DOCK1: variants seen among roughly 807,000 people sequenced by gnomAD.
DOCK1 encodes dedicator of cytokinesis 1, also known as dedicator of cytokinesis protein 1.
Under a neutral mutation model 262.7 loss-of-function variants are expected in DOCK1, and 138 were observed. The observed-to-expected ratio is 0.53, with a 90% CI of 0.46 to 0.61. DOCK1 has a LOEUF of 0.61. Ranked by LOEUF, DOCK1 falls within the 20% of genes least tolerant of loss-of-function variation. DOCK1 has a pLI of 0.00. For synonymous variants in DOCK1, 866 were observed against 867.4 expected, an observed-to-expected ratio of 1.00 and a Z score of 0.03; for missense variants, 1,908 against 2,370.7, an observed-to-expected ratio of 0.80 and a Z score of 4.05.
intron 29 of DOCK1, among the ~76,000 whole-genome samples, chr10:127,260,549 T>G (rs1205793361): frequency 1.3e-5 from 2 of 152,156 alleles, no homozygotes; most frequent in East Asian, 3.9e-4. Context: ...CCATGGGAGC[T>G]TCCTGCAGAG....
At chr10:127,346,739 C>A (rs1317696028) in intron 31 of DOCK1, among the ~76,000 whole-genome samples, 8 of 152,242 alleles carry the variant, frequency 5.3e-5, no homozygotes. Flanking sequence ...GGTGTCGCCC[C>A]CTCAGGAGCC....
At chr10:127,232,010 T>G (rs970896104) in intron 27 of DOCK1, among the ~76,000 whole-genome samples, 6 of 152,076 alleles carry the variant, frequency 3.9e-5, no homozygotes, top group South Asian at 2.1e-4. Flanking sequence ...CATAAACAAT[T>G]TATGCAATTT....
At chr10:127,055,238 G>A (rs552629467) in intron 22 of DOCK1, among the ~76,000 whole-genome samples, 9 of 152,136 alleles carry the variant, frequency 5.9e-5, no homozygotes, top group East Asian at 3.9e-4. Flanking sequence ...AGGACTCAGC[G>A]TCCTGATGTC....
chr10:127,301,496 C>T lies in DOCK1; in HGVS notation c.3045-37510C>T, dbSNP rs187757596. 2.5e-3 allele frequency among the ~76,000 whole-genome samples: 375 copies of T among 152,288 alleles called. 4 individuals are homozygous for T. Among genetic ancestry groups the T allele is most frequent in the African/African-American group, 8.3e-3 (345 of 41,558 alleles). ...AAGAAGGGTGTTTACAAAACGGCTT[C>T]GCTTTGCTATTGTCATGAGGAGAAC... is the stretch of plus-strand genomic sequence containing the variant. On this transcript the variant is annotated intron_variant, in intron 29 of 51. Transcript: ENST00000623213.
At chr10:127,051,111 TA>T (rs1319257359) in intron 21 of DOCK1, among the ~76,000 whole-genome samples, 4 of 152,062 alleles carry the variant, frequency 2.6e-5, no homozygotes, top group African/African-American at 9.6e-5. Context: ...CAAATAATTT[TA>T]CTCAATTTTT....
At chr10:127,025,520 C>G (rs2042773256) in intron 15 of DOCK1, among the ~76,000 whole-genome samples, 1 of 152,122 alleles carries the variant, frequency 6.6e-6, no homozygotes, top group Non-Finnish European at 1.5e-5. Flanking sequence ...AATCTCGGCT[C>G]ACTGCAACCT....
intron 46 of DOCK1, among the ~76,000 whole-genome samples, chr10:127,424,974 G>C (rs1277600929): frequency 6.6e-6 from 1 of 152,170 alleles, no homozygotes; most frequent in African/African-American, 2.4e-5. Flanking sequence ...TTGATGCGTT[G>C]ATTCATCTTG....
intron 30 of DOCK1, among the ~76,000 whole-genome samples, 178 bp from the exon 31 acceptor site, chr10:127,343,468 G>A (rs767745098): frequency 2.6e-5 from 4 of 152,116 alleles, no homozygotes; most frequent in Non-Finnish European, 4.4e-5. Context: ...GAGCCCACAC[G>A]CTAAGGCCTG....
chr10:126,915,595 T>C (rs2032383905), intron 1 of DOCK1, among the ~76,000 whole-genome samples: 1 of 152,106 alleles, frequency 6.6e-6, no homozygotes, highest in Non-Finnish European at 1.5e-5. Context: ...TTTTTTGTAT[T>C]TTTAGTAGTA....
chr10:127,044,370 C>T (rs1381899155), intron 21 of DOCK1, among the ~76,000 whole-genome samples: 1 of 152,128 alleles, frequency 6.6e-6, no homozygotes, highest in East Asian at 1.9e-4. Context: ...GCTGTGAGGT[C>T]CTCAAGCCTG....
intron 38 of DOCK1, among the ~76,000 whole-genome samples, chr10:127,389,951 T>C (rs1476112213): frequency 6.6e-6 from 1 of 151,380 alleles, no homozygotes; most frequent in African/African-American, 2.4e-5. Context: ...GAGGCGGAGA[T>C]TGCAGTGAGC....
In DOCK1 at chr10:127,012,455, A is replaced by T. The variant is rs2041531553; in HGVS notation, c.1201+81A>T. The T allele has an allele frequency of 8.2e-7, 1 of 1,214,992 alleles. No homozygotes were observed. Among genetic ancestry groups the T allele is most frequent in the Admixed American group, 1.8e-5 (1 of 54,454 alleles). 75.3% of individuals were successfully genotyped at this position (1,214,992 alleles called of 1,614,324 possible). A position where few individuals can be genotyped will look rare whatever the true frequency, so the allele number is the denominator to read the frequency against. On this transcript the variant is annotated intron_variant, in intron 12 of 51. Coordinates refer to ENST00000623213, the MANE Select transcript of DOCK1 (RefSeq NM_001290223.2). This position sits in a 1 kb window ranked among gnomAD's most constrained non-coding sequence, Gnocchi z 4.0. Reference sequence around the variant, plus strand: ...TGCTGTCTGGGTTGGTTTTAGTTTGATGTTGATCATGATGGTGGTGATAAT... The same window carrying T: ...TGCTGTCTGGGTTGGTTTTAGTTTGTTGTTGATCATGATGGTGGTGATAAT...
chr10:127,203,721 G>A (rs1029156074), intron 27 of DOCK1, among the ~76,000 whole-genome samples: 7 of 151,122 alleles, frequency 4.6e-5, no homozygotes, highest in Non-Finnish European at 1.0e-4. Context: ...TGCACGGTAG[G>A]GCTGCGGATC....
chr10:127,065,704 C>CG (rs200261243), intron 23 of DOCK1, among the ~76,000 whole-genome samples: 151 of 152,262 alleles, frequency 9.9e-4, no homozygotes, highest in African/African-American at 3.4e-3. Flanking sequence ...CAGCTCCAGG[C>CG]ATATCCTCTG....
intron 27 of DOCK1, among the ~76,000 whole-genome samples, chr10:127,142,216 G>T (rs1056890457): frequency 6.6e-6 from 1 of 152,216 alleles, no homozygotes; most frequent in Non-Finnish European, 1.5e-5. Flanking sequence ...TCCCAGGGCG[G>T]CTCCAGTGCA....
chr10:127,136,911 C>T (rs956398022), intron 27 of DOCK1: 6 of 152,490 alleles, frequency 3.9e-5, no homozygotes, highest in African/African-American at 1.4e-4. Context: ...CTCGGAGGAT[C>T]GATCCACAAA....
At chr10:127,339,648 T>TGTGTGC (rs372483692) in intron 30 of DOCK1, among the ~76,000 whole-genome samples, 4 of 143,784 alleles carry the variant, frequency 2.8e-5, no homozygotes, top group African/African-American at 8.1e-5. Flanking sequence ...TGTGTGTGTG[T>TGTGTGC]GCGCGCGCGC....
intron 27 of DOCK1, among the ~76,000 whole-genome samples, chr10:127,214,076 T>C (rs1013622635): frequency 2.0e-5 from 3 of 152,212 alleles, no homozygotes; most frequent in Non-Finnish European, 4.4e-5. Context: ...CTCAATCACC[T>C]GACCTTGTGA....
intron 29 of DOCK1, among the ~76,000 whole-genome samples, chr10:127,261,117 A>ATG (rs577243152): frequency 1.1e-5 from 1 of 92,672 alleles, no homozygotes; most frequent in Non-Finnish European, 2.1e-5. Flanking sequence ...ATGTGTGTGC[A>ATG]TGTGTGTGTG....
Sources: gnomAD v4.1 joint callset for allele counts (sites outside exome capture counted in the v4.1 genomes callset) on GRCh38, gnomAD v4.1.1 for gene constraint, Gnocchi (gnomAD v3.1) non-coding constraint, MANE v1.5 for transcripts, NCBI Gene and HGNC (gene_info 2026-07-23, HGNC 2026-07-21) for gene names.